Variants in NBEA observed in about 807,000 individuals in gnomAD.
NBEA encodes neurobeachin, also known as lysosomal-trafficking regulator 2.
NBEA carries 44 observed loss-of-function variants against 343.4 expected under a neutral mutation model. That is an observed-to-expected ratio of 0.13 (90% CI 0.10 to 0.16). The LOEUF (loss-of-function observed/expected upper bound fraction) is 0.16, where lower values mean the gene tolerates loss of function less well. Ranked by LOEUF, NBEA falls within the 10% of genes least tolerant of loss-of-function variation. NBEA has a pLI of 1.00. For missense variants in NBEA, 2,555 were observed against 3,631.3 expected (o/e 0.70, Z 7.62); for synonymous variants, 1,175 against 1,238.7 (o/e 0.95, Z 1.08).
Position 35,388,552 on chromosome 13 carries a change from A to G in NBEA, c.6179+36229A>G, listed in dbSNP as rs537548169. Among the ~76,000 whole-genome samples the G allele has an allele frequency of 7.4e-4, 112 of 152,288 alleles. 3 individuals are homozygous for G. In the South Asian group the frequency reaches 0.023, roughly 31 times the overall value. ...TTTTGCTGAAAATAGATCTGTATTT[A>G]CTTGCCAGTACTTTAATATTTCCCC... On this transcript the variant is annotated intron_variant, in intron 38 of 58. Transcript: ENST00000379939.
chr13:35,443,907 C>T (rs567314039), intron 39 of NBEA, among the ~76,000 whole-genome samples: 2 of 151,868 alleles, frequency 1.3e-5, no homozygotes, highest in East Asian at 3.9e-4. Context: ...CATTAATCTT[C>T]GTTAGAAAAG....
intron 1 of NBEA, among the ~76,000 whole-genome samples, chr13:35,022,416 A>T (rs980598265): frequency 2.6e-5 from 4 of 152,104 alleles, no homozygotes; most frequent in African/African-American, 7.2e-5. Context: ...GAAATTGCCA[A>T]TATGAATTAC....
At position 34,954,058 on chromosome 13, in the gene NBEA, C is replaced by T. The variant is rs1437784695; in HGVS notation, c.294+10944C>T. On this transcript the variant is annotated intron_variant, in intron 1 of 58. Transcript: ENST00000379939. ...AAATTGTCTTCCATGAAACTGGCTC[C>T]TGGTGCCAAAAAGGTTGGGGATCGC... is the stretch of plus-strand genomic sequence containing the variant. Among the ~76,000 whole-genome samples, 4 of 152,170 alleles carry T rather than the reference C, an allele frequency of 2.6e-5. No individual in the cohort carries two copies. The East Asian group carries it at 7.7e-4, about 29-fold the overall frequency.
intron 41 of NBEA, among the ~76,000 whole-genome samples, chr13:35,516,708 T>C (rs140449292): frequency 1.3e-5 from 2 of 152,322 alleles, no homozygotes; most frequent in Non-Finnish European, 2.9e-5. Flanking sequence ...GTTTCTTCAC[T>C]AAAGGAGCAT....
intron 9 of NBEA, 125 bp from the exon 10 acceptor site, chr13:35,070,594 A>G (rs2063827475): frequency 2.3e-6 from 2 of 877,464 alleles, no homozygotes; most frequent in South Asian, 3.8e-5. Flanking sequence ...TATAAAAATT[A>G]TAATTGAAGG....
At chr13:35,041,201 G>A (rs767120217) in intron 2 of NBEA, 37 bp downstream of exon 2, 4 of 1,494,156 alleles carry the variant, frequency 2.7e-6, no homozygotes, top group East Asian at 2.3e-5. Flanking sequence ...TAACTTAAAT[G>A]TTTATAAAGT....
At chr13:35,019,627 A>G (rs943368705) in intron 1 of NBEA, among the ~76,000 whole-genome samples, 3 of 152,140 alleles carry the variant, frequency 2.0e-5, no homozygotes, top group Non-Finnish European at 4.4e-5. Context: ...CATCTGTGAA[A>G]TCATCCAGAT....
intron 35 of NBEA, among the ~76,000 whole-genome samples, chr13:35,299,086 A>G (rs1203051556): frequency 6.6e-6 from 1 of 152,114 alleles, no homozygotes; most frequent in Non-Finnish European, 1.5e-5. Flanking sequence ...AGAATTTCTA[A>G]ACATGCCAGT....
At chr13:35,619,247 C>T (rs992259877) in intron 48 of NBEA, among the ~76,000 whole-genome samples, 2 of 151,934 alleles carry the variant, frequency 1.3e-5, no homozygotes, top group Non-Finnish European at 2.9e-5. Flanking sequence ...TCTGGAACAC[C>T]TGTTAGCCAT....
At chr13:35,396,156 A>T (rs2042735823) in intron 38 of NBEA, among the ~76,000 whole-genome samples, 1 of 152,018 alleles carries the variant, frequency 6.6e-6, no homozygotes, top group Non-Finnish European at 1.5e-5. Context: ...CAGCCTCCCA[A>T]GTAGCTGGGG....
intron 10 of NBEA, among the ~76,000 whole-genome samples, chr13:35,090,119 T>C (rs2065007216): frequency 1.3e-5 from 2 of 151,316 alleles, no homozygotes; most frequent in African/African-American, 4.9e-5. Context: ...TCAGTGTAGG[T>C]TATATGATAT....
At chr13:35,546,492 G>A (rs1163906723) in intron 41 of NBEA, among the ~76,000 whole-genome samples, 1 of 151,446 alleles carries the variant, frequency 6.6e-6, no homozygotes, top group African/African-American at 2.4e-5. Flanking sequence ...AGAGTTACAT[G>A]ATAACTCTTA....
intron 37 of NBEA, 39 bp from the exon 38 acceptor site, chr13:35,352,118 A>C: frequency 7.7e-7 from 1 of 1,293,160 alleles, no homozygotes; most frequent in Non-Finnish European, 1.0e-6. Context: ...ATATGCAGTA[A>C]AAAGTTTATT....
chr13:35,279,748 C>T (rs1182697601), intron 34 of NBEA, among the ~76,000 whole-genome samples: 1 of 152,084 alleles, frequency 6.6e-6, no homozygotes, highest in African/African-American at 2.4e-5. Context: ...CTGTCCTTCT[C>T]AGGTATCAAA....
intron 41 of NBEA, chr13:35,475,629 G>A (rs1157908944): frequency 6.2e-7 from 1 of 1,613,818 alleles, no homozygotes; most frequent in South Asian, 1.1e-5. Context: ...AGGCCGGCGT[G>A]ATCTGCACCA....
intron 1 of NBEA, among the ~76,000 whole-genome samples, chr13:34,991,470 A>G (rs1474856168): frequency 6.6e-6 from 1 of 152,162 alleles, no homozygotes. Flanking sequence ...GGGAAGTGCT[A>G]CACAATTTTA....
intron 49 of NBEA, among the ~76,000 whole-genome samples, chr13:35,630,628 T>C (rs1429097155): frequency 6.6e-6 from 1 of 152,170 alleles, no homozygotes; most frequent in African/African-American, 2.4e-5. Context: ...AGTCATACTG[T>C]GAAATGTTAT....
At chr13:35,259,058 A>G (rs1434546832) in intron 34 of NBEA, among the ~76,000 whole-genome samples, 2 of 152,220 alleles carry the variant, frequency 1.3e-5, no homozygotes, top group African/African-American at 4.8e-5. Flanking sequence ...ACATAACCCC[A>G]TTTTAAGTCA....
chr13:35,362,103 A>T (rs1191704634), intron 38 of NBEA, among the ~76,000 whole-genome samples: 1 of 152,008 alleles, frequency 6.6e-6, no homozygotes, highest in East Asian at 1.9e-4. Context: ...TTTATAGGTG[A>T]TTATTCAGTT....
Sources: gnomAD v4.1 joint callset for allele counts (sites outside exome capture counted in the v4.1 genomes callset) on GRCh38, gnomAD v4.1.1 for gene constraint, MANE v1.5 for transcripts, NCBI Gene and HGNC (gene_info 2026-07-23, HGNC 2026-07-21) for gene names.